SERPINB4: variants seen among roughly 807,000 people sequenced by gnomAD.
SERPINB4 encodes the protein serpin family B member 4.
Under a neutral mutation model 33.2 loss-of-function variants are expected in SERPINB4, and 39 were observed. The ratio of observed to expected loss-of-function variants is 1.18; its 90% CI spans 0.91 to 1.53. The LOEUF is 1.53. Ranked by LOEUF, SERPINB4 falls within the 40% of genes most tolerant of loss-of-function variation. The pLI, the probability that SERPINB4 is intolerant of heterozygous loss-of-function variation, is 0.00. For synonymous variants in SERPINB4, 191 were observed against 166.4 expected (o/e 1.15, Z -1.14); for missense variants, 564 against 455.4 (o/e 1.24, Z -2.17).
At position 63,638,047 on chromosome 18, in the gene SERPINB4, A is replaced by G. The variant is rs1912995752; in HGVS notation, c.845T>C (p.Leu282Ser). Residue 282 changes from leucine (L) to serine (S), a missense_variant, in exon 8 of 8, where the codon TTA (leucine) becomes TCA (serine). By Grantham distance (145) the Leu-to-Ser change is moderately radical. Transcript: ENST00000341074. ...LQNMRETCVD[L>S]HLPRFKMEES... Reference sequence around the variant, plus strand: ...TTCCATTTTGAACCGAGGTAAGTGTAAATCGACACATGTCTCTCTCATATT... The same window carrying G: ...TTCCATTTTGAACCGAGGTAAGTGTGAATCGACACATGTCTCTCTCATATT... 6.2e-7 allele frequency: 1 copy of G among 1,613,594 alleles called. No individual in the cohort carries two copies. Among genetic ancestry groups the G allele is most frequent in the Non-Finnish European group, 8.5e-7 (1 of 1,179,720 alleles).
rs549732555 is a variant in SERPINB4, at chr18:63,644,253, G to A, written c.-71C>T. The A allele has an allele frequency of 6.6e-6, 1 of 152,652 alleles. No individual in the cohort carries two copies. Among genetic ancestry groups the A allele is most frequent in the East Asian group, 1.9e-4 (1 of 5,182 alleles). 9.5% of individuals were successfully genotyped at this position (152,652 alleles called of 1,614,324 possible). A position where few individuals can be genotyped will look rare whatever the true frequency, so the allele number is the denominator to read the frequency against. ...AGAGGTGGGCAGAGAGGCTGTGTGT[G>A]TCTGTGGAATGAAGGGTGAGATCCT... On this transcript the variant is annotated 5_prime_UTR_variant, in exon 1 of 8. Transcript: ENST00000341074.
Position 63,637,712 on chromosome 18 carries a change from A to T in SERPINB4, c.*7T>A. ...ATTTTCTAAATGGAGTGACAGACTA[A>T]TTGCATCTATGGGGATGAGAATCTG... On this transcript the variant is annotated 3_prime_UTR_variant, in exon 8 of 8. Transcript: ENST00000341074. The T allele has an allele frequency of 1.3e-6, 2 of 1,589,314 alleles. No individual in the cohort carries two copies. The highest frequency in any genetic ancestry group is 3.5e-5 in the Admixed American group (2 of 57,600).
intron 1 of SERPINB4, 136 bp from the exon 2 acceptor site, chr18:63,643,739 T>C (rs1913221105): frequency 1.1e-6 from 1 of 934,432 alleles, no homozygotes; most frequent in Admixed American, 2.6e-5. Context: ...TTTTTAACGC[T>C]TCAATCTTTC....
At chr18:63,642,011 C>T (rs1346413850) in intron 3 of SERPINB4, 123 bp from the exon 4 acceptor site, 15 of 1,395,064 alleles carry the variant, frequency 1.1e-5, no homozygotes, top group Non-Finnish European at 1.5e-5. Flanking sequence ...TGATGTTATT[C>T]CCTGATAATT....
In SERPINB4 at chr18:63,639,299, G is replaced by A. The variant is rs779174392; in HGVS notation, c.654C>T (p.Ser218=). 1.2e-6 allele frequency: 2 copies of A among 1,612,378 alleles called. No homozygotes were observed. The highest frequency in any genetic ancestry group is 8.5e-7 in the Non-Finnish European group (1 of 1,178,966). The part of the protein sequence containing the change: ...KSVQMMRQYN[S]FNFALLEDVQ... ...CATCCTCCAGCAAGGCAAAATTAAAGGAATTGTATTGCCTCATCATCTGTA... is the reference window on the plus strand; with the variant it reads ...CATCCTCCAGCAAGGCAAAATTAAAAGAATTGTATTGCCTCATCATCTGTA... Residue 218 remains serine, a synonymous_variant, in exon 7 of 8, where the codon TCC becomes TCT. Coordinates refer to ENST00000341074, the MANE Select transcript of SERPINB4 (RefSeq NM_002974.4).
chr18:63,639,551 C>T (rs1913053966), intron 6 of SERPINB4, 83 bp downstream of exon 6: 1 of 1,094,464 alleles, frequency 9.1e-7, no homozygotes, highest in Non-Finnish European at 1.3e-6. Context: ...TTATTTTTTA[C>T]TTATCATGTT....
Position 63,643,175 on chromosome 18 carries a change from C to G in SERPINB4, c.208G>C (p.Ala70Pro). The change falls in exon 3 of 8, where the codon GCT becomes CCT. Residue 70 changes from alanine to proline, a missense_variant. Ala to Pro is a conservative substitution (Grantham distance 27). Transcript: ENST00000341074. ...DQVTENTTEK[A>P]ATYHVDRSGN... ...CTGTGACTCACATGATATGTTGCAG[C>G]TTTTTCTGTGGTGTTCTCTGTGACT... 6.2e-7 allele frequency: 1 copy of G among 1,613,312 alleles called. No individual in the cohort carries two copies. Among genetic ancestry groups the G allele is most frequent in the Non-Finnish European group, 8.5e-7 (1 of 1,179,546 alleles).
At chr18:63,641,977 G>A (rs1162220849) in intron 3 of SERPINB4, 89 bp from the exon 4 acceptor site, 14 of 1,570,414 alleles carry the variant, frequency 8.9e-6, no homozygotes, top group East Asian at 2.2e-5. Flanking sequence ...GTCCCTAAAT[G>A]CTGGTAGTCT....
chr18:63,642,880 T>A (rs1913182308), intron 3 of SERPINB4: 2 of 432,246 alleles, frequency 4.6e-6, no homozygotes, highest in African/African-American at 2.0e-5. Context: ...AGTTGTGTCC[T>A]GCTCTTATTC....
In SERPINB4 at chr18:63,638,055, A is replaced by T. The variant is rs188021365; in HGVS notation, c.837T>A (p.Cys279Ter). ...TGAACCGAGGTAAGTGTAAATCGAC[A>T]CATGTCTCTCTCATATTCTGCAAAC... is the stretch of plus-strand genomic sequence containing the variant. ...WTSLQNMRET[C>*]VDLHLPRFKM... Residue 279 changes from cysteine to a stop codon, truncating the protein, a stop_gained, in exon 8 of 8, where the codon TGT becomes TGA. Transcript: ENST00000341074. LOFTEE classifies it low-confidence loss of function (END_TRUNC). 1.7e-4 allele frequency: 280 copies of T among 1,613,538 alleles called. 12 individuals are homozygous for T. The East Asian group carries it at 2.4e-3, about 14-fold the overall frequency.
chr18:63,642,371 G>A (rs1598929027), intron 3 of SERPINB4, among the ~76,000 whole-genome samples: 1 of 152,028 alleles, frequency 6.6e-6, no homozygotes, highest in Non-Finnish European at 1.5e-5. Flanking sequence ...TCCTCATGAT[G>A]GTCATTCTCT....
At position 63,643,025 on chromosome 18, in the gene SERPINB4, C is replaced by A; in HGVS notation, c.222+136G>T. ...ATAATTATGTGCCATGAAATGCCAA[C>A]CCACTCTGTATGTCTCAATCTTTGT... On this transcript the variant is annotated intron_variant, in intron 3 of 7. Transcript: ENST00000341074. 4.9e-6 allele frequency: 5 copies of A among 1,016,926 alleles called. No individual in the cohort carries two copies. In the East Asian group the frequency reaches 7.7e-5, roughly 16 times the overall value. 63.0% of individuals were successfully genotyped at this position (1,016,926 alleles called of 1,614,324 possible). A position where few individuals can be genotyped will look rare whatever the true frequency, so the allele number is the denominator to read the frequency against.
chr18:63,639,554 A>C, intron 6 of SERPINB4, 80 bp downstream of exon 6: 2 of 1,100,448 alleles, frequency 1.8e-6, no homozygotes, highest in Non-Finnish European at 2.6e-6. Flanking sequence ...TTTTTTACTT[A>C]TCATGTTACA....
At position 63,638,104 on chromosome 18, in the gene SERPINB4, G is replaced by T; in HGVS notation, c.788C>A (p.Ala263Asp). Reference protein sequence around the residue: ...GLQKLEEKLTAEKLMEWTSLQ... With the variant: ...GLQKLEEKLTDEKLMEWTSLQ... ...ACTTGTCCATTCCATCAATTTCTCA[G>T]CAGTGAGTTTCTCTTCAAGCTATAC... is the stretch of plus-strand genomic sequence containing the variant. Residue 263 changes from alanine to aspartate, a missense_variant, in exon 8 of 8, where the codon GCT (alanine) becomes GAT (aspartate). Transcript: ENST00000341074. 2 of 1,613,016 alleles carry T rather than the reference G, an allele frequency of 1.2e-6. No homozygotes were observed. The highest frequency in any genetic ancestry group is 1.7e-6 in the Non-Finnish European group (2 of 1,179,440).
chr18:63,642,311 C>G (rs1568164825), intron 3 of SERPINB4, among the ~76,000 whole-genome samples: 1 of 152,052 alleles, frequency 6.6e-6, no homozygotes, highest in Non-Finnish European at 1.5e-5. Context: ...CCCTGTTATA[C>G]CTGTTGGTGC....
Position 63,637,628 on chromosome 18 carries a change from T to G in SERPINB4, c.*91A>C, listed in dbSNP as rs1317457792. On this transcript the variant is annotated 3_prime_UTR_variant, in exon 8 of 8. Coordinates refer to ENST00000341074, the MANE Select transcript of SERPINB4 (RefSeq NM_002974.4). ...ATCAAGATGAGATAGAAAAGAAATA[T>G]GAGCCAAGAGAATCTGTTGTTGCCA... 5 of 1,313,616 alleles carry G rather than the reference T, an allele frequency of 3.8e-6. No homozygotes were observed. The highest frequency in any genetic ancestry group is 4.8e-5 in the Admixed American group (2 of 41,684). 81.4% of individuals were successfully genotyped at this position (1,313,616 alleles called of 1,614,324 possible).
rs1912968262 is a variant in SERPINB4, at chr18:63,637,643, T to C, written c.*76A>G. ...AAAAGAAATATGAGCCAAGAGAATC[T>C]GTTGTTGCCAGCAATCAGTTTACCA... On this transcript the variant is annotated 3_prime_UTR_variant, in exon 8 of 8. Coordinates refer to ENST00000341074, the MANE Select transcript of SERPINB4 (RefSeq NM_002974.4). 1 of 1,420,044 alleles carries C rather than the reference T, an allele frequency of 7.0e-7. No homozygotes were observed. 88.0% of individuals were successfully genotyped at this position (1,420,044 alleles called of 1,614,324 possible).
At position 63,640,888 on chromosome 18, in the gene SERPINB4, T is replaced by C. The variant is rs764588249; in HGVS notation, c.455A>G (p.Glu152Gly). The part of the protein sequence containing the change: ...ESRKKINSWV[E>G]SQTNEKIKNL... ...GGCTCTCCTACCATTCGTTTGACTT[T>C]CCACCCAGGAGTTAATCTTCTTTCG... Residue 152 changes from glutamate to glycine, a missense_variant, in exon 5 of 8, where the codon GAA (glutamate) becomes GGA (glycine). By Grantham distance (98) the Glu-to-Gly change is moderately conservative. Coordinates refer to ENST00000341074, the MANE Select transcript of SERPINB4 (RefSeq NM_002974.4). 4 of 1,612,450 alleles carry C rather than the reference T, an allele frequency of 2.5e-6. No homozygotes were observed. Among genetic ancestry groups the C allele is most frequent in the South Asian group, 1.1e-5 (1 of 91,028 alleles).
At chr18:63,638,269 T>C (rs1210347922) in intron 7 of SERPINB4, 146 bp from the exon 8 acceptor site, 1 of 903,904 alleles carries the variant, frequency 1.1e-6, no homozygotes, top group East Asian at 2.7e-5. Flanking sequence ...ATTATTCTAA[T>C]AGGTAAAATA....
Sources: allele counts gnomAD v4.1 joint callset (sites outside exome capture counted in the v4.1 genomes callset), GRCh38; gene constraint gnomAD v4.1.1; transcripts MANE v1.5; gene names NCBI Gene and HGNC (gene_info 2026-07-23, HGNC 2026-07-21).